Variants in DGKI observed in about 807,000 individuals in gnomAD.
DGKI encodes the protein diacylglycerol kinase iota.
Under a neutral mutation model 147.5 loss-of-function variants are expected in DGKI, and 55 were observed. The ratio of observed to expected loss-of-function variants is 0.37; its 90% CI spans 0.30 to 0.47. The LOEUF (loss-of-function observed/expected upper bound fraction) is 0.47. Among genes scored for constraint, DGKI ranks in the 20% least tolerant of loss-of-function variants. The probability of loss-of-function intolerance (pLI) is 1.00; values close to 1 mark genes in which losing one functional copy is unlikely to be tolerated. For missense variants in DGKI, 1,007 were observed against 1,323.8 expected, an observed-to-expected ratio of 0.76 and a Z score of 3.71; for synonymous variants, 469 against 477.1, an observed-to-expected ratio of 0.98 and a Z score of 0.22.
At chr7:137,653,355 T>C (rs1822104989) in intron 5 of DGKI, among the ~76,000 whole-genome samples, 1 of 152,214 alleles carries the variant, frequency 6.6e-6, no homozygotes, top group Non-Finnish European at 1.5e-5. Context: ...TTGAACTGCA[T>C]GGTATTTCCT....
At position 137,428,526 on chromosome 7, in the gene DGKI, G is replaced by A. The variant is rs1173631427; in HGVS notation, c.2761+15551C>T. Among the ~76,000 whole-genome samples the A allele has an allele frequency of 5.1e-3, 773 of 151,740 alleles. 9 individuals are homozygous for A. The highest frequency in any genetic ancestry group is 0.018 in the African/African-American group (720 of 41,112). On this transcript the variant is annotated intron_variant, in intron 28 of 32. Coordinates refer to ENST00000614521, the MANE Select transcript of DGKI (RefSeq NM_001321708.2). Reference sequence around the variant, plus strand: ...ATGCCCTCTCTCACCACTCCTATTTGACATAGTGTTGGAAGTTCTGGCCAG... The same window carrying A: ...ATGCCCTCTCTCACCACTCCTATTTAACATAGTGTTGGAAGTTCTGGCCAG...
At chr7:137,785,277 A>G (rs1796634584) in intron 1 of DGKI, among the ~76,000 whole-genome samples, 1 of 152,174 alleles carries the variant, frequency 6.6e-6, no homozygotes, top group South Asian at 2.1e-4. Flanking sequence ...AAGCTCAATT[A>G]GAAACAAAAT....
chr7:137,424,127 A>G lies in DGKI; in HGVS notation c.2762-11920T>C, dbSNP rs757939236. ...AAAATTAAGCATTTTATTTCAGAAA[A>G]GTAAAAATAAATCTTAACTTTCACT... On this transcript the variant is annotated intron_variant, in intron 28 of 32. Coordinates refer to ENST00000614521, the MANE Select transcript of DGKI (RefSeq NM_001321708.2). Among the ~76,000 whole-genome samples the G allele has an allele frequency of 7.2e-5, 11 of 152,232 alleles. No homozygotes were observed. In the South Asian group the frequency reaches 1.0e-3, roughly 14 times the overall value.
At position 137,689,986 on chromosome 7, in the gene DGKI, C is replaced by A; in HGVS notation, c.418G>T (p.Ala140Ser). The A allele has an allele frequency of 6.3e-7, 1 of 1,599,366 alleles. No individual in the cohort carries two copies. The highest frequency in any genetic ancestry group is 8.5e-7 in the Non-Finnish European group (1 of 1,175,258). The stretch of plus-strand genomic sequence containing the variant: ...GCAGGAGCCAGATGCTGGAGGCCTG[C>A]CCGGGAGATTGCTTTCCTGCAGCAA... Reference protein sequence around the residue: ...QVSYRKAISRAGLQHLAPAHP... With the variant: ...QVSYRKAISRSGLQHLAPAHP... The change falls in exon 2 of 33, where the codon GCA becomes TCA. Residue 140 changes from alanine (A) to serine (S), a missense_variant. Ala to Ser is a moderately conservative substitution (Grantham distance 99, BLOSUM62 1). This residue lies in a region of DGKI where 259 missense variants were observed against 362.5 expected (regional missense o/e 0.71). Coordinates refer to ENST00000614521, the MANE Select transcript of DGKI (RefSeq NM_001321708.2).
At chr7:137,642,972 A>C (rs867871647) in intron 6 of DGKI, among the ~76,000 whole-genome samples, 1 of 53,108 alleles carries the variant, frequency 1.9e-5, no homozygotes. Context: ...GTGTGTGTGT[A>C]TGGGGGATGG....
intron 20 of DGKI, among the ~76,000 whole-genome samples, chr7:137,544,269 G>A (rs1377499658): frequency 5.9e-5 from 9 of 152,098 alleles, no homozygotes; most frequent in African/African-American, 2.2e-4. Flanking sequence ...TCAATTCTTT[G>A]ATCACAATCA....
chr7:137,588,718 T>C (rs1350277447), intron 12 of DGKI, among the ~76,000 whole-genome samples: 1 of 152,144 alleles, frequency 6.6e-6, no homozygotes, highest in Non-Finnish European at 1.5e-5. Flanking sequence ...CCTTGTGATC[T>C]GCCCACCTCG....
At chr7:137,403,057 T>C (rs954018557) in intron 30 of DGKI, among the ~76,000 whole-genome samples, 4 of 151,664 alleles carry the variant, frequency 2.6e-5, no homozygotes, top group African/African-American at 9.7e-5. Flanking sequence ...CAAAAGTCCC[T>C]TGGAGGGTTG....
At chr7:137,581,968 G>A (rs1819212222) in intron 14 of DGKI, 40 bp from the exon 15 acceptor site, 1 of 1,536,344 alleles carries the variant, frequency 6.5e-7, no homozygotes, top group Non-Finnish European at 9.0e-7. Context: ...ATTTTGTGTG[G>A]CCAGGCAGAA....
At chr7:137,601,238 T>C (rs896261991) in intron 10 of DGKI, among the ~76,000 whole-genome samples, 5 of 151,778 alleles carry the variant, frequency 3.3e-5, no homozygotes, top group Non-Finnish European at 5.9e-5. Context: ...GCCACTACAC[T>C]TCGGCCTGGG....
chr7:137,466,824 T>G (rs1412816086), intron 25 of DGKI, 78 bp downstream of exon 25: 2 of 1,490,298 alleles, frequency 1.3e-6, no homozygotes, highest in Non-Finnish European at 1.9e-6. Context: ...GTTAGAAAAA[T>G]TTATGAGATT....
At chr7:137,758,795 G>T (rs1158781245) in intron 1 of DGKI, among the ~76,000 whole-genome samples, 1 of 151,740 alleles carries the variant, frequency 6.6e-6, no homozygotes, top group South Asian at 2.1e-4. Context: ...TGCTTTTTTG[G>T]GCAAGATCAC....
chr7:137,721,556 CT>C (rs1330961743), intron 1 of DGKI, among the ~76,000 whole-genome samples: 1 of 152,172 alleles, frequency 6.6e-6, no homozygotes, highest in Non-Finnish European at 1.5e-5. Context: ...TGAGACCTTC[CT>C]AACGGTCTCC....
At chr7:137,753,975 G>C (rs1189875482) in intron 1 of DGKI, among the ~76,000 whole-genome samples, 3 of 152,094 alleles carry the variant, frequency 2.0e-5, no homozygotes, top group Non-Finnish European at 4.4e-5. Context: ...GGAGGAGGAG[G>C]AGCGTGGAGG....
intron 1 of DGKI, among the ~76,000 whole-genome samples, chr7:137,818,317 C>A (rs1488959776): frequency 6.6e-6 from 1 of 152,196 alleles, no homozygotes; most frequent in Non-Finnish European, 1.5e-5. Flanking sequence ...ATCAACCACA[C>A]AAGTGCACTC....
Position 137,620,589 on chromosome 7 carries a change from T to TA in DGKI, c.877-650dup, listed in dbSNP as rs546260332. On this transcript the variant is annotated intron_variant, in intron 7 of 32. Coordinates refer to ENST00000614521, the MANE Select transcript of DGKI (RefSeq NM_001321708.2). ...CTTCTGTTGGGTTTGTCTGGACTGC[T>TA]AAAAAAAAAATTCAATGACCCTATT... Among the ~76,000 whole-genome samples the TA allele has an allele frequency of 5.7e-4, 85 of 149,896 alleles. 1 individual carries two copies. Among genetic ancestry groups the TA allele is most frequent in the Non-Finnish European group, 2.5e-4 (17 of 67,284 alleles).
chr7:137,532,337 A>C (rs1817369843), intron 20 of DGKI, among the ~76,000 whole-genome samples: 1 of 152,212 alleles, frequency 6.6e-6, no homozygotes, highest in Admixed American at 6.5e-5. Context: ...CCTGACAATA[A>C]GCGGCATTAC....
chr7:137,630,993 TG>T (rs1449334209), intron 6 of DGKI, among the ~76,000 whole-genome samples: 1 of 152,048 alleles, frequency 6.6e-6, no homozygotes, highest in African/African-American at 2.4e-5. Flanking sequence ...GGGTTTTTTT[TG>T]AAAAAAAGAC....
At chr7:137,829,227 C>T (rs1448006608) in intron 1 of DGKI, among the ~76,000 whole-genome samples, 1 of 152,252 alleles carries the variant, frequency 6.6e-6, no homozygotes, top group Non-Finnish European at 1.5e-5. Context: ...TATCCTCAGT[C>T]ACCACTGTGG....
Sources: gnomAD v4.1 joint callset for allele counts (sites outside exome capture counted in the v4.1 genomes callset) on GRCh38, gnomAD v4.1.1 for gene constraint, gnomAD v4.1.1 regional missense constraint, MANE v1.5 for transcripts, NCBI Gene and HGNC (gene_info 2026-07-23, HGNC 2026-07-21) for gene names.